GRK2: variants seen among roughly 807,000 people sequenced by gnomAD.
GRK2 encodes the protein G protein-coupled receptor kinase 2.
In GRK2, 23 loss-of-function variants were observed where a neutral mutation model predicts 97.8. That is an observed-to-expected ratio of 0.24 (90% CI 0.17 to 0.33). The LOEUF is 0.33. Among genes scored for constraint, GRK2 ranks in the 10% least tolerant of loss-of-function variants. GRK2 has a pLI of 1.00. For synonymous variants in GRK2, 425 were observed against 381.7 expected (o/e 1.11, Z -1.32); for missense variants, 633 against 956.9 (o/e 0.66, Z 4.47).
Position 67,280,881 on chromosome 11 carries a change from ATGTC to A in GRK2, c.555+103_555+106del. 2.8e-6 allele frequency: 4 copies of A among 1,419,714 alleles called. No homozygotes were observed. The Admixed American group carries it at 5.0e-5, about 18-fold the overall frequency. 87.9% of individuals were successfully genotyped at this position (1,419,714 alleles called of 1,614,324 possible). The stretch of plus-strand genomic sequence containing the variant: ...TTGGCTGGGAGGGGGAGGTCAGGGG[ATGTC>A]TGTCCTTTAGCCCCCAGGGCCGTGG... On this transcript the variant is annotated intron_variant, in intron 7 of 20. Transcript: ENST00000308595.
In GRK2 at chr11:67,281,255, T is replaced by A; in HGVS notation, c.647+71T>A. ...TCCTGGGGGACCCTGACAGGCCGGG[T>A]TCCACACAGGGCCACCTGCTGCTCC... On this transcript the variant is annotated intron_variant, in intron 8 of 20. Coordinates refer to ENST00000308595, the MANE Select transcript of GRK2 (RefSeq NM_001619.5). This position sits in a 1 kb window ranked among gnomAD's most constrained non-coding sequence, Gnocchi z 5.7. 7.1e-7 allele frequency: 1 copy of A among 1,413,664 alleles called. No homozygotes were observed. The highest frequency in any genetic ancestry group is 2.3e-5 in the East Asian group (1 of 43,382). 87.6% of individuals were successfully genotyped at this position (1,413,664 alleles called of 1,614,324 possible). A position where few individuals can be genotyped will look rare whatever the true frequency, so the allele number is the denominator to read the frequency against.
chr11:67,272,186 A>T (rs948933447), intron 1 of GRK2, among the ~76,000 whole-genome samples: 1 of 152,182 alleles, frequency 6.6e-6, no homozygotes, highest in Admixed American at 6.5e-5. Flanking sequence ...GCTCCTGGTC[A>T]GGGACGGGAG....
At position 67,283,242 on chromosome 11, in the gene GRK2, C is replaced by A; in HGVS notation, c.1328+14C>A. 6.2e-7 allele frequency: 1 copy of A among 1,609,226 alleles called. No homozygotes were observed. Among genetic ancestry groups the A allele is most frequent in the Non-Finnish European group, 8.5e-7 (1 of 1,175,796 alleles). On this transcript the variant is annotated intron_variant, in intron 15 of 20. Coordinates refer to ENST00000308595, the MANE Select transcript of GRK2 (RefSeq NM_001619.5). ...CCTGGGCCGAGGGTGAGTACCCTGG[C>A]GCCTTGGGCATGCTGCTGGCTGTGC...
intron 1 of GRK2, among the ~76,000 whole-genome samples, chr11:67,273,214 C>A (rs1240186065): frequency 2.0e-5 from 3 of 152,244 alleles, no homozygotes; most frequent in African/African-American, 7.2e-5. Context: ...ACCCAGGCAC[C>A]CGTCCAACGG....
intron 1 of GRK2, among the ~76,000 whole-genome samples, chr11:67,275,642 C>G (rs527784180): frequency 6.6e-6 from 1 of 152,202 alleles, no homozygotes; most frequent in Non-Finnish European, 1.5e-5. Flanking sequence ...CCCTGCCCTC[C>G]GCCTCACCAT....
At position 67,281,712 on chromosome 11, in the gene GRK2, C is replaced by A; in HGVS notation, c.810C>A (p.Ile270=). The change falls in exon 10 of 21, where the codon ATC becomes ATA. Residue 270 remains isoleucine (I), a synonymous_variant. Coordinates refer to ENST00000308595, the MANE Select transcript of GRK2 (RefSeq NM_001619.5). The surrounding 1 kb of genome is among the most constrained non-coding windows in gnomAD (Gnocchi z 5.7). ...ACACGCCAGACAAGCTCAGCTTCAT[C>A]CTGGACCTCATGAACGGTGAGTGCT... ...AFHTPDKLSF[I]LDLMNGGDLH... is the part of the protein sequence containing the mutation. The A allele has an allele frequency of 6.3e-7, 1 of 1,599,724 alleles. No homozygotes were observed. The highest frequency in any genetic ancestry group is 8.5e-7 in the Non-Finnish European group (1 of 1,170,866).
At chr11:67,279,311 A>G (rs1221802150) in intron 3 of GRK2, 38 bp downstream of exon 3, 1 of 1,611,074 alleles carries the variant, frequency 6.2e-7, no homozygotes, top group African/African-American at 1.3e-5. Flanking sequence ...CTGCCTGGAG[A>G]AAGGGGAGGA....
At position 67,284,932 on chromosome 11, in the gene GRK2, C is replaced by T. The variant is rs750570622; in HGVS notation, c.1740C>T (p.Tyr580=). The T allele has an allele frequency of 2.5e-6, 4 of 1,612,934 alleles. No homozygotes were observed. The highest frequency in any genetic ancestry group is 3.4e-6 in the Non-Finnish European group (4 of 1,179,962). Residue 580 remains tyrosine, a synonymous_variant, in exon 19 of 21, where the codon TAC becomes TAT. Transcript: ENST00000308595. ...NPFLTQWQRR[Y]FYLFPNRLEW... is the part of the protein sequence containing the mutation. ...TCCTGACCCAGTGGCAGCGGCGGTA[C>T]TTCTACCTGTTCCCCAACCGCCTCG...
In GRK2 at chr11:67,282,431, A is replaced by C. The variant is rs756207951; in HGVS notation, c.1053-4A>C. The C allele has an allele frequency of 1.4e-6, 2 of 1,478,894 alleles. No individual in the cohort carries two copies. The highest frequency in any genetic ancestry group is 1.8e-6 in the Non-Finnish European group (2 of 1,098,110). 91.6% of individuals were successfully genotyped at this position (1,478,894 alleles called of 1,614,324 possible). On this transcript the variant is annotated splice_polypyrimidine_tract_variant and splice_region_variant and intron_variant, in intron 12 of 20. Transcript: ENST00000308595. This position sits in a 1 kb window ranked among gnomAD's most constrained non-coding sequence, Gnocchi z 6.9. The stretch of plus-strand genomic sequence containing the variant: ...TCCCGCTTATGGCCCCCTTGCTCCC[A>C]CAGGGGCACCCACGGGTACATGGCT...
At chr11:67,270,443 C>A (rs1859882509) in intron 1 of GRK2, among the ~76,000 whole-genome samples, 1 of 152,076 alleles carries the variant, frequency 6.6e-6, no homozygotes, top group Non-Finnish European at 1.5e-5. Flanking sequence ...CCCTGTCTCC[C>A]CAGACCCTGC....
In GRK2 at chr11:67,281,496, A is replaced by G; in HGVS notation, c.685A>G (p.Met229Val). The G allele has an allele frequency of 6.2e-7, 1 of 1,613,656 alleles. No individual in the cohort carries two copies. Among genetic ancestry groups the G allele is most frequent in the Non-Finnish European group, 8.5e-7 (1 of 1,179,950 alleles). The stretch of plus-strand genomic sequence containing the variant: ...GTGCCTGGACAAAAAGCGCATCAAG[A>G]TGAAGCAGGGGGAGACCCTGGCCCT... ...MKCLDKKRIKMKQGETLALNE... is the reference protein window; with the variant it reads ...MKCLDKKRIKVKQGETLALNE... The change falls in exon 9 of 21, where the codon ATG (methionine) becomes GTG (valine). Residue 229 changes from methionine to valine, a missense_variant. By Grantham distance (21) the Met-to-Val change is conservative. Around this residue, in one of 4 missense-constraint regions of GRK2, gnomAD observed 192 missense variants for 362.3 expected, o/e 0.53. Transcript: ENST00000308595. The surrounding 1 kb of genome is among the most constrained non-coding windows in gnomAD (Gnocchi z 5.7).
chr11:67,284,671 C>T, intron 18 of GRK2, 176 bp from the exon 19 acceptor site: 2 of 910,542 alleles, frequency 2.2e-6, no homozygotes, highest in East Asian at 5.3e-5. Flanking sequence ...CGCCTGTACT[C>T]CCAGCTACCC....
chr11:67,268,590 G>A lies in GRK2; in HGVS notation c.113+1778G>A, dbSNP rs555459998. ...TGGAGTTCTGCAACTGTGAGGCGGG[G>A]CCTTTTCTGGAACTGTCTGCGTTCG... is the stretch of plus-strand genomic sequence containing the variant. On this transcript the variant is annotated intron_variant, in intron 1 of 20. Coordinates refer to ENST00000308595, the MANE Select transcript of GRK2 (RefSeq NM_001619.5). Among the ~76,000 whole-genome samples, 3 of 152,246 alleles carry A rather than the reference G, an allele frequency of 2.0e-5. No homozygotes were observed. In the South Asian group the frequency reaches 6.2e-4, roughly 32 times the overall value.
At position 67,281,520 on chromosome 11, in the gene GRK2, C is replaced by T. The variant is rs1860150789; in HGVS notation, c.709C>T (p.Leu237=). 1 of 1,613,568 alleles carries T rather than the reference C, an allele frequency of 6.2e-7. No homozygotes were observed. Among genetic ancestry groups the T allele is most frequent in the South Asian group, 1.1e-5 (1 of 91,096 alleles). The change falls in exon 9 of 21, where the codon CTG becomes TTG. Residue 237 remains leucine, a synonymous_variant. Transcript: ENST00000308595. The surrounding 1 kb of genome is among the most constrained non-coding windows in gnomAD (Gnocchi z 5.7). ...IKMKQGETLA[L]NERIMLSLVS... ...GATGAAGCAGGGGGAGACCCTGGCC[C>T]TGAACGAGCGCATCATGCTCTCGCT...
Position 67,282,812 on chromosome 11 carries a change from G to A in GRK2, c.1221G>A (p.Leu407=), listed in dbSNP as rs1347073332. ...KDKHEIDRMT[L]TMAVELPDSF... ...AGCATGAGATCGACCGCATGACGCTGACGATGGTGGGTGCAGGTCTCAGTG... is the reference window on the plus strand; with the variant it reads ...AGCATGAGATCGACCGCATGACGCTAACGATGGTGGGTGCAGGTCTCAGTG... The change falls in exon 14 of 21, where the codon CTG becomes CTA. Residue 407 remains leucine, a synonymous_variant. Transcript: ENST00000308595. This position sits in a 1 kb window ranked among gnomAD's most constrained non-coding sequence, Gnocchi z 6.9. The A allele has an allele frequency of 3.1e-6, 5 of 1,609,382 alleles. No individual in the cohort carries two copies. Among genetic ancestry groups the A allele is most frequent in the East Asian group, 4.5e-5 (2 of 44,834 alleles).
chr11:67,280,984 C>A, intron 7 of GRK2, 109 bp from the exon 8 acceptor site: 2 of 1,149,880 alleles, frequency 1.7e-6, no homozygotes, highest in South Asian at 1.4e-5. Context: ...ATGGCCAGGA[C>A]ATGGGTATGG....
intron 1 of GRK2, among the ~76,000 whole-genome samples, chr11:67,270,265 A>G (rs1859878760): frequency 6.6e-6 from 1 of 151,970 alleles, no homozygotes; most frequent in African/African-American, 2.4e-5. Flanking sequence ...CTAGCTGAGG[A>G]GCCCTGCCTG....
In GRK2 at chr11:67,281,271, C is replaced by G; in HGVS notation, c.647+87C>G. On this transcript the variant is annotated intron_variant, in intron 8 of 20. Transcript: ENST00000308595. This position sits in a 1 kb window ranked among gnomAD's most constrained non-coding sequence, Gnocchi z 5.7. ...CAGGCCGGGTTCCACACAGGGCCAC[C>G]TGCTGCTCCATGCACTCCTGTCTTG... 1 of 1,262,292 alleles carries G rather than the reference C, an allele frequency of 7.9e-7. No homozygotes were observed. Among genetic ancestry groups the G allele is most frequent in the Non-Finnish European group, 1.1e-6 (1 of 882,868 alleles). The allele number at this position is 1,262,292 out of a possible 1,614,324, so 78.2% of individuals were successfully genotyped here.
rs1860258887 is a variant in GRK2, at chr11:67,285,477, C to CT, written c.*28dup. 2.7e-6 allele frequency: 4 copies of CT among 1,509,282 alleles called. No individual in the cohort carries two copies. The East Asian group carries it at 9.4e-5, about 35-fold the overall frequency. 93.5% of individuals were successfully genotyped at this position (1,509,282 alleles called of 1,614,324 possible). ...CCGCCCACCCGCCTTTTATAAACCTCTAATTTATTTTGTCGAATTTTTATT... is the reference window on the plus strand; with the variant it reads ...CCGCCCACCCGCCTTTTATAAACCTCTTAATTTATTTTGTCGAATTTTTATT... On this transcript the variant is annotated 3_prime_UTR_variant, in exon 21 of 21. Coordinates refer to ENST00000308595, the MANE Select transcript of GRK2 (RefSeq NM_001619.5).
Sources: gnomAD v4.1 joint callset for allele counts (sites outside exome capture counted in the v4.1 genomes callset) on GRCh38, gnomAD v4.1.1 for gene constraint, gnomAD v4.1.1 regional missense constraint, Gnocchi (gnomAD v3.1) non-coding constraint, MANE v1.5 for transcripts, NCBI Gene and HGNC (gene_info 2026-07-23, HGNC 2026-07-21) for gene names.